The following MYO1B variants were observed in gnomAD, a reference collection of about 807,000 sequenced individuals.
The protein encoded by MYO1B is myosin IB, also known as unconventional myosin-Ib.
Under a neutral mutation model 159.7 loss-of-function variants are expected in MYO1B, and 72 were observed. The ratio of observed to expected loss-of-function variants is 0.45; its 90% confidence interval spans 0.37 to 0.55. The LOEUF is 0.55. Among genes scored for constraint, MYO1B ranks in the 20% least tolerant of loss-of-function variants. The probability of loss-of-function intolerance (pLI) is 0.00; values close to 1 mark genes in which losing one functional copy is unlikely to be tolerated. For synonymous variants in MYO1B, 468 were observed against 473.8 expected (o/e 0.99, Z 0.16); for missense variants, 1,062 against 1,364.8 (o/e 0.78, Z 3.50).
intron 27 of MYO1B, among the ~76,000 whole-genome samples, chr2:191,411,709 A>G (rs1697259697): frequency 6.6e-6 from 1 of 152,184 alleles, no homozygotes; most frequent in Admixed American, 6.5e-5. Flanking sequence ...CCTGTACAGC[A>G]CGTTCAGTTC....
Position 191,413,183 on chromosome 2 carries a change from CAT to C in MYO1B, c.2874-862_2874-861del, listed in dbSNP as rs747831846. 2.0e-5 allele frequency among the ~76,000 whole-genome samples: 3 copies of C among 152,240 alleles called. No individual in the cohort carries two copies. The East Asian group carries it at 5.8e-4, about 29-fold the overall frequency. ...TTGAAGTCAATTTTTATGAAGTTGT[CAT>C]ATGTCATATGAAGTTGAAAATATCA... On this transcript the variant is annotated intron_variant, in intron 27 of 30. Coordinates refer to ENST00000392318, the MANE Select transcript of MYO1B (RefSeq NM_001130158.3).
intron 3 of MYO1B, among the ~76,000 whole-genome samples, chr2:191,316,020 A>G (rs1459067857): frequency 6.6e-6 from 1 of 152,172 alleles, no homozygotes; most frequent in Non-Finnish European, 1.5e-5. Flanking sequence ...GGTTTGACTC[A>G]ATTAAAGAGT....
intron 11 of MYO1B, among the ~76,000 whole-genome samples, chr2:191,366,478 T>C (rs1694019084): frequency 6.6e-6 from 1 of 152,146 alleles, no homozygotes; most frequent in African/African-American, 2.4e-5. Flanking sequence ...TGATTTGTTT[T>C]ATTAGCCTTT....
At chr2:191,382,506 C>T (rs1695102249) in intron 14 of MYO1B, among the ~76,000 whole-genome samples, 1 of 152,164 alleles carries the variant, frequency 6.6e-6, no homozygotes, top group South Asian at 2.1e-4. Flanking sequence ...TCATTCTTTT[C>T]CTGTCTTCTC....
At chr2:191,249,742 G>C (rs958323913) in intron 1 of MYO1B, among the ~76,000 whole-genome samples, 1 of 152,198 alleles carries the variant, frequency 6.6e-6, no homozygotes, top group Non-Finnish European at 1.5e-5. Context: ...GTTCTGCCTT[G>C]TTTATTTATT....
At chr2:191,313,826 C>G (rs905680791) in intron 3 of MYO1B, among the ~76,000 whole-genome samples, 1 of 152,196 alleles carries the variant, frequency 6.6e-6, no homozygotes, top group Non-Finnish European at 1.5e-5. Flanking sequence ...GCCCACATGG[C>G]TTTTAAGATT....
At chr2:191,418,320 G>A (rs1697705324) in intron 30 of MYO1B, among the ~76,000 whole-genome samples, 1 of 44,322 alleles carries the variant, frequency 2.3e-5, no homozygotes, top group South Asian at 2.3e-3. Flanking sequence ...TATAGAACCA[G>A]TGTTGAAAAC....
At chr2:191,422,711 A>T (rs1174256828) in intron 30 of MYO1B, among the ~76,000 whole-genome samples, 1 of 152,212 alleles carries the variant, frequency 6.6e-6, no homozygotes, top group Non-Finnish European at 1.5e-5. Context: ...ACTATGTAGG[A>T]CATATGTGAG....
intron 2 of MYO1B, among the ~76,000 whole-genome samples, chr2:191,280,073 T>C (rs1222451299): frequency 6.6e-6 from 1 of 152,134 alleles, no homozygotes; most frequent in Non-Finnish European, 1.5e-5. Context: ...TGAAAAATAG[T>C]CTGTATCTTC....
At chr2:191,253,190 C>G (rs1686231267) in intron 1 of MYO1B, among the ~76,000 whole-genome samples, 1 of 152,178 alleles carries the variant, frequency 6.6e-6, no homozygotes, top group African/African-American at 2.4e-5. Flanking sequence ...CTTCTCCTGG[C>G]CTTCATTTGT....
chr2:191,370,443 C>A, intron 13 of MYO1B, 151 bp downstream of exon 13: 1 of 633,282 alleles, frequency 1.6e-6, no homozygotes, highest in Non-Finnish European at 2.7e-6. Context: ...TTGAATCTGC[C>A]AACAAATCTT....
intron 29 of MYO1B, among the ~76,000 whole-genome samples, chr2:191,415,779 T>C (rs985126343): frequency 1.3e-5 from 2 of 152,142 alleles, no homozygotes; most frequent in East Asian, 1.9e-4. Flanking sequence ...CAAACCTGAA[T>C]GTGTAAACCC....
chr2:191,417,850 T>C (rs753083076), intron 30 of MYO1B, among the ~76,000 whole-genome samples: 11 of 152,214 alleles, frequency 7.2e-5, no homozygotes, highest in African/African-American at 1.2e-4. Context: ...ATCCTAAACA[T>C]AGTCAACCAC....
chr2:191,343,338 AGGCTCAGCCTCTCC>A (rs1476649429), intron 5 of MYO1B, among the ~76,000 whole-genome samples: 1 of 152,154 alleles, frequency 6.6e-6, no homozygotes, highest in Non-Finnish European at 1.5e-5. Flanking sequence ...GTTTGTACTC[AGGCTCAGCCTCTCC>A]TGCCCTTTCA....
rs1217003780 is a variant in MYO1B at position 191,408,134 on chromosome 2, A to G, written c.2576A>G (p.Lys859Arg). The change falls in exon 25 of 31, where the codon AAA becomes AGA. Residue 859 changes from lysine to arginine, a missense_variant. Lys to Arg is a conservative substitution (Grantham distance 26). Around this residue, in one of 5 missense-constraint regions of MYO1B, gnomAD observed 609 missense variants for 744.4 expected, o/e 0.82. Transcript: ENST00000392318. The stretch of plus-strand genomic sequence containing the variant: ...TTAAAGGTACGTAGAGAATACAGGA[A>G]ATTCTTCAGAGCCAATGCTGGAAAG... ...LGLKVRREYR[K>R]FFRANAGKKI... 6.2e-7 allele frequency: 1 copy of G among 1,613,148 alleles called. No homozygotes were observed. The highest frequency in any genetic ancestry group is 1.7e-5 in the Admixed American group (1 of 60,026).
At chr2:191,306,066 CAA>C (rs977709456) in intron 3 of MYO1B, among the ~76,000 whole-genome samples, 7 of 152,046 alleles carry the variant, frequency 4.6e-5, no homozygotes, top group East Asian at 3.8e-4. Context: ...AGACAAAACA[CAA>C]GAGACGTTAA....
chr2:191,335,608 C>A (rs2125932375), intron 4 of MYO1B, among the ~76,000 whole-genome samples: 1 of 152,114 alleles, frequency 6.6e-6, no homozygotes, highest in South Asian at 2.1e-4. Context: ...TACATGTGTT[C>A]ATTAAAAATT....
intron 15 of MYO1B, among the ~76,000 whole-genome samples, chr2:191,385,442 G>A (rs557333219): frequency 2.0e-5 from 3 of 152,248 alleles, no homozygotes; most frequent in African/African-American, 7.2e-5. Flanking sequence ...TTCCTTCTTA[G>A]GAGTGAATCA....
chr2:191,304,205 C>T (rs1398928704), intron 3 of MYO1B, among the ~76,000 whole-genome samples: 3 of 152,172 alleles, frequency 2.0e-5, no homozygotes, highest in Admixed American at 2.0e-4. Flanking sequence ...AAATGCTCCA[C>T]GAACTGAACT....
Sources: allele counts gnomAD v4.1 joint callset (sites outside exome capture counted in the v4.1 genomes callset), GRCh38; gene constraint gnomAD v4.1.1; regional missense constraint gnomAD v4.1.1; transcripts MANE v1.5; gene names NCBI Gene and HGNC (gene_info 2026-07-23, HGNC 2026-07-21).